CCDC28B: variants seen among roughly 807,000 people sequenced by gnomAD.
The protein encoded by CCDC28B is coiled-coil domain containing 28B.
Under a neutral mutation model 18.7 loss-of-function variants are expected in CCDC28B, and 17 were observed. That is an observed-to-expected ratio of 0.91 (90% CI 0.62 to 1.36). The LOEUF (loss-of-function observed/expected upper bound fraction) is 1.36, where lower values mean the gene tolerates loss of function less well. Among genes scored for constraint, CCDC28B ranks in the 40% most tolerant of loss-of-function variants. The probability of loss-of-function intolerance (pLI) is 0.00; values close to 1 mark genes in which losing one functional copy is unlikely to be tolerated. For synonymous variants in CCDC28B, 116 were observed against 105.1 expected, an observed-to-expected ratio of 1.10 and a Z score of -0.64; for missense variants, 213 against 251.7, an observed-to-expected ratio of 0.85 and a Z score of 1.04.
Position 32,204,169 on chromosome 1 carries a change from C to G in CCDC28B, c.332-17C>G. ...CCAGGACTCTTTCCCAGGGTTCAGA[C>G]AGGGGCTTCGTTCCAGGGAAGGAAT... On this transcript the variant is annotated splice_polypyrimidine_tract_variant and intron_variant, in intron 3 of 5. Transcript: ENST00000373602. The G allele has an allele frequency of 6.2e-7, 1 of 1,613,818 alleles. No homozygotes were observed. Among genetic ancestry groups the G allele is most frequent in the Non-Finnish European group, 8.5e-7 (1 of 1,179,804 alleles).
chr1:32,203,951 C>T lies in CCDC28B; in HGVS notation c.237C>T (p.His79=), dbSNP rs1288665949. ...GCTCTGCAGGCACGCCCCTGCAGCA[C>T]TCCTTCCTGACCGAGGTGACTGATG... is the stretch of plus-strand genomic sequence containing the variant. ...GSGSAGTPLQ[H]SFLTEVTDVY... Residue 79 remains histidine, a synonymous_variant, in exon 3 of 6, where the codon CAC becomes CAT. Coordinates refer to ENST00000373602, the MANE Select transcript of CCDC28B (RefSeq NM_024296.5). The T allele has an allele frequency of 9.4e-5, 148 of 1,579,898 alleles. No homozygotes were observed. Among genetic ancestry groups the T allele is most frequent in the Non-Finnish European group, 1.2e-4 (143 of 1,163,286 alleles).
At chr1:32,199,975 G>A (rs1643112800), upstream of CCDC28B, among the ~76,000 whole-genome samples, 1 of 152,198 alleles carries the variant, frequency 6.6e-6, no homozygotes, top group African/African-American at 2.4e-5. Context: ...TCAGGTGCCA[G>A]GGAATCGCGT....
upstream of CCDC28B, among the ~76,000 whole-genome samples, chr1:32,199,368 T>TG (rs113383928): frequency 0.079 from 11,912 of 151,590 alleles, 557 homozygotes; most frequent in Non-Finnish European, 0.11. Flanking sequence ...CTGGAGGGTG[T>TG]GGGGGGGGTG....
chr1:32,202,017 C>T lies in CCDC28B; in HGVS notation c.82C>T (p.Pro28Ser). ...AQAPGTLRRVPVPTSHSGSLA... is the reference protein window; with the variant it reads ...AQAPGTLRRVSVPTSHSGSLA... ...GGCCCCAGGCACACTACGGAGGGTC[C>T]CTGTGCCTACCAGCCACAGCGGCTC... is the stretch of plus-strand genomic sequence containing the variant. The change falls in exon 2 of 6, where the codon CCT (proline) becomes TCT (serine). Residue 28 changes from proline (P) to serine (S), a missense_variant. Pro to Ser is a moderately conservative substitution (Grantham distance 74). Transcript: ENST00000373602. 6.2e-7 allele frequency: 1 copy of T among 1,613,568 alleles called. No homozygotes were observed. The highest frequency in any genetic ancestry group is 8.5e-7 in the Non-Finnish European group (1 of 1,179,920).
Position 32,205,262 on chromosome 1 carries a change from G to A in CCDC28B, c.*14G>A, listed in dbSNP as rs1643288949. On this transcript the variant is annotated 3_prime_UTR_variant, in exon 6 of 6. Transcript: ENST00000373602. This position sits in a 1 kb window ranked among gnomAD's most constrained non-coding sequence, Gnocchi z 5.6. The stretch of plus-strand genomic sequence containing the variant: ...TCCGCTGCGTAGGCGTCCCACGCAG[G>A]CCCACACTGCCCCTCTCATTCTCTT... 1 of 1,603,726 alleles carries A rather than the reference G, an allele frequency of 6.2e-7. No homozygotes were observed. The highest frequency in any genetic ancestry group is 1.3e-5 in the African/African-American group (1 of 74,750).
chr1:32,204,835 C>A (rs1278217809), intron 5 of CCDC28B: 2 of 1,555,348 alleles, frequency 1.3e-6, no homozygotes, highest in South Asian at 2.3e-5. Flanking sequence ...TACTACTGAT[C>A]AAAATCTTTG....
intron 1 of CCDC28B, 91 bp downstream of exon 1, chr1:32,200,800 A>G (rs945370142): frequency 1.3e-5 from 2 of 152,136 alleles, no homozygotes; most frequent in African/African-American, 4.8e-5. Flanking sequence ...CTGAGCGATG[A>G]GTTTGGCACA....
At chr1:32,197,224 C>G (rs1184627683), upstream of CCDC28B, 2 of 152,260 alleles carry the variant, frequency 1.3e-5, no homozygotes, top group Non-Finnish European at 2.9e-5. This position sits in a 1 kb window ranked among gnomAD's most constrained non-coding sequence, Gnocchi z 4.6. Context: ...GAGGTATGCA[C>G]CTTCCCCCTT....
chr1:32,205,208 T>C lies in CCDC28B; in HGVS notation c.563T>C (p.Leu188Pro). 6.2e-7 allele frequency: 1 copy of C among 1,613,966 alleles called. No homozygotes were observed. Among genetic ancestry groups the C allele is most frequent in the Non-Finnish European group, 8.5e-7 (1 of 1,179,938 alleles). The change falls in exon 6 of 6, where the codon CTG becomes CCG. Residue 188 changes from leucine to proline, a missense_variant. Transcript: ENST00000373602. The surrounding 1 kb of genome is among the most constrained non-coding windows in gnomAD (Gnocchi z 5.6). The stretch of plus-strand genomic sequence containing the variant: ...GACGGGCACAGCCAGAAGCTGCACC[T>C]GGCCGAGAACGCCGAGCCTGAGGAG... ...DLSNSIQKLH[L>P]AENAEPEEQS...
rs750344185 is a variant in CCDC28B, at chr1:32,203,868, A to T, written c.165-11A>T. 3 of 1,498,598 alleles carry T rather than the reference A, an allele frequency of 2.0e-6. No homozygotes were observed. The South Asian group carries it at 4.1e-5, about 21-fold the overall frequency. The allele number at this position is 1,498,598 out of a possible 1,614,324, so 92.8% of individuals were successfully genotyped here. A position where few individuals can be genotyped will look rare whatever the true frequency, so the allele number is the denominator to read the frequency against. ...CTACCCTGTGATCATGGTCATGTCC[A>T]CCCCACCCAGAGTAGGCAAAGAGAA... is the stretch of plus-strand genomic sequence containing the variant. On this transcript the variant is annotated splice_polypyrimidine_tract_variant and intron_variant, in intron 2 of 5. Transcript: ENST00000373602.
chr1:32,198,597 T>C (rs957318845), upstream of CCDC28B, among the ~76,000 whole-genome samples: 3 of 152,200 alleles, frequency 2.0e-5, no homozygotes, highest in Non-Finnish European at 2.9e-5. Context: ...CTTTTAGCTA[T>C]AGACAGGTCA....
upstream of CCDC28B, among the ~76,000 whole-genome samples, chr1:32,199,064 T>C (rs986007459): frequency 1.3e-5 from 2 of 152,210 alleles, no homozygotes; most frequent in Non-Finnish European, 2.9e-5. Flanking sequence ...GTTCAGTTTT[T>C]ACACCCCCCA....
At chr1:32,198,043 C>G (rs149034357), upstream of CCDC28B, 1 of 152,384 alleles carries the variant, frequency 6.6e-6, no homozygotes, top group Non-Finnish European at 1.5e-5. Context: ...CCAGCCTTTC[C>G]GCCTTGCACA....
Position 32,203,316 on chromosome 1 carries a change from G to A in CCDC28B, c.165-563G>A, listed in dbSNP as rs540001895. ...TACTAAAAGTAAAAAAAATTAGCAG[G>A]GCATAGTGGCAGGCGCCCATAATGC... On this transcript the variant is annotated intron_variant, in intron 2 of 5. Coordinates refer to ENST00000373602, the MANE Select transcript of CCDC28B (RefSeq NM_024296.5). Among the ~76,000 whole-genome samples, 7 of 151,760 alleles carry A rather than the reference G, an allele frequency of 4.6e-5. No individual in the cohort carries two copies. The East Asian group carries it at 1.4e-3, about 29-fold the overall frequency.
chr1:32,201,665 G>A (rs1228739227), intron 1 of CCDC28B: 1 of 323,124 alleles, frequency 3.1e-6, no homozygotes, highest in African/African-American at 2.2e-5. Context: ...GTTGTGACTG[G>A]TCCCACCCTT....
At chr1:32,200,760 G>A (rs986650200) in intron 1 of CCDC28B, 51 bp downstream of exon 1, 8 of 152,288 alleles carry the variant, frequency 5.3e-5, no homozygotes, top group African/African-American at 1.9e-4. Context: ...ACGCGGGTCT[G>A]ACGCTCTGTC....
At chr1:32,201,750 C>T (rs1643151571) in intron 1 of CCDC28B, 163 bp from the exon 2 acceptor site, 1 of 588,028 alleles carries the variant, frequency 1.7e-6, no homozygotes, top group Non-Finnish European at 2.9e-6. Flanking sequence ...TGTACATCCA[C>T]GATCCCAGCA....
chr1:32,205,030 G>C lies in CCDC28B; in HGVS notation c.549-164G>C, dbSNP rs759604190. 1.2e-4 allele frequency: 139 copies of C among 1,170,874 alleles called. No homozygotes were observed. The highest frequency in any genetic ancestry group is 2.9e-4 in the Middle Eastern group (1 of 3,458). 72.5% of individuals were successfully genotyped at this position (1,170,874 alleles called of 1,614,324 possible). A position where few individuals can be genotyped will look rare whatever the true frequency, so the allele number is the denominator to read the frequency against. ...CTGCACGATCTGGATGAAGAGAGAG[G>C]GGGTGAGAGAGGGCAGGCGGGGACT... On this transcript the variant is annotated intron_variant, in intron 5 of 5. Coordinates refer to ENST00000373602, the MANE Select transcript of CCDC28B (RefSeq NM_024296.5). The surrounding 1 kb of genome is among the most constrained non-coding windows in gnomAD (Gnocchi z 5.6).
chr1:32,204,414 GC>G, intron 4 of CCDC28B, 35 bp downstream of exon 4: 1 of 1,541,398 alleles, frequency 6.5e-7, no homozygotes, highest in Non-Finnish European at 8.7e-7. Flanking sequence ...GTTCCTGGGG[GC>G]ATGAGGGGTG....
Sources: gnomAD v4.1 joint callset for allele counts (sites outside exome capture counted in the v4.1 genomes callset) on GRCh38, gnomAD v4.1.1 for gene constraint, Gnocchi (gnomAD v3.1) non-coding constraint, MANE v1.5 for transcripts, NCBI Gene and HGNC (gene_info 2026-07-23, HGNC 2026-07-21) for gene names.